The following PLCB2 variants were observed in gnomAD, a reference collection of about 807,000 sequenced individuals.
PLCB2 encodes 1-phosphatidylinositol 4,5-bisphosphate phosphodiesterase beta-2.
PLCB2 carries 115 observed loss-of-function variants against 141.7 expected under a neutral mutation model. The ratio of observed to expected loss-of-function variants is 0.81; its 90% CI spans 0.70 to 0.95. PLCB2 has a LOEUF of 0.95. Ranked by LOEUF, PLCB2 falls within the 40% of genes least tolerant of loss-of-function variation. The pLI, the probability that PLCB2 is intolerant of heterozygous loss-of-function variation, is 0.00. For synonymous variants in PLCB2, 603 were observed against 595.6 expected, an observed-to-expected ratio of 1.01 and a Z score of -0.18; for missense variants, 1,403 against 1,541.1, an observed-to-expected ratio of 0.91 and a Z score of 1.50.
intron 1 of PLCB2, among the ~76,000 whole-genome samples, chr15:40,306,978 C>T (rs1419499639): frequency 1.3e-5 from 2 of 152,198 alleles, no homozygotes; most frequent in African/African-American, 4.8e-5. Context: ...AGTGTCTTCC[C>T]CTTCCCTTGC....
At chr15:40,299,391 G>T in intron 7 of PLCB2, 163 bp from the exon 8 acceptor site, 3 of 583,262 alleles carry the variant, frequency 5.1e-6, no homozygotes, top group Non-Finnish European at 6.2e-6. Flanking sequence ...GGCCCTGGTT[G>T]CTGAGCAGAG....
chr15:40,305,173 CTCT>C (rs1413499699), intron 1 of PLCB2, among the ~76,000 whole-genome samples: 1 of 101,686 alleles, frequency 9.8e-6, no homozygotes, highest in Non-Finnish European at 1.9e-5. Flanking sequence ...CTTTTGTGAT[CTCT>C]TTTTTTTTTT....
downstream of PLCB2, chr15:40,286,057 C>G (rs962757753): frequency 7.1e-6 from 7 of 984,836 alleles, no homozygotes; most frequent in Non-Finnish European, 8.4e-6. Context: ...TCTGACTTCT[C>G]TATGGGCTCA....
At chr15:40,305,797 G>T (rs2040765528) in intron 1 of PLCB2, among the ~76,000 whole-genome samples, 1 of 152,176 alleles carries the variant, frequency 6.6e-6, no homozygotes, top group South Asian at 2.1e-4. Flanking sequence ...AATAGAACTT[G>T]GTTACCCCTT....
chr15:40,298,338 T>C lies in PLCB2; in HGVS notation c.1040A>G (p.Gln347Arg). The change falls in exon 11 of 32, where the codon CAG (glutamine) becomes CGG (arginine). Residue 347 changes from glutamine (Q) to arginine (R), a missense_variant. Gln to Arg is a conservative substitution (Grantham distance 43, BLOSUM62 1). Around this residue, in one of 4 missense-constraint regions of PLCB2, gnomAD observed 975 missense variants for 1,141.1 expected, o/e 0.85. Transcript: ENST00000260402. Reference sequence around the variant, plus strand: ...GCAACGGCAGCCAGAGAGCAGCACCTGGCGGTACATCTCAGCCGAGGAGAG... The same window carrying C: ...GCAACGGCAGCCAGAGAGCAGCACCCGGCGGTACATCTCAGCCGAGGAGAG... ...SGLSSAEMYR[Q>R]VLLSGCRCVE... The C allele has an allele frequency of 6.2e-7, 1 of 1,604,088 alleles. No homozygotes were observed. The highest frequency in any genetic ancestry group is 1.7e-4 in the Middle Eastern group (1 of 6,016).
At chr15:40,302,447 G>C in intron 4 of PLCB2, 22 bp downstream of exon 4, 2 of 1,613,790 alleles carry the variant, frequency 1.2e-6, no homozygotes, top group South Asian at 2.2e-5. Flanking sequence ...CCCAGACCCA[G>C]GCCCAGTGCT....
At chr15:40,301,829 T>C in intron 7 of PLCB2, 128 bp downstream of exon 7, 2 of 814,118 alleles carry the variant, frequency 2.5e-6, no homozygotes, top group Non-Finnish European at 4.2e-6. Flanking sequence ...CCAGGGTTGA[T>C]TGGCTCTCCA....
rs149475278 is a variant in PLCB2 at position 40,298,235 on chromosome 15, G to A, written c.1143C>T (p.Asp381=). Residue 381 remains aspartate (D), a synonymous_variant, in exon 11 of 32, where the codon GAC becomes GAT. Transcript: ENST00000260402. ...CCCAGGGTCTCACTTTGAAGAAGAT[G>A]TCTGTGGTCATGGTGAAGCCATGGG... ...IITHGFTMTT[D]IFFKEAIEAI... is the part of the protein sequence containing the mutation. The A allele has an allele frequency of 2.1e-5, 32 of 1,560,754 alleles. No individual in the cohort carries two copies. In the East Asian group the frequency reaches 7.2e-4, roughly 35 times the overall value.
intron 25 of PLCB2, 52 bp downstream of exon 25, chr15:40,291,554 C>T (rs1026610952): frequency 2.5e-6 from 4 of 1,610,110 alleles, no homozygotes; most frequent in Middle Eastern, 1.7e-4. Context: ...CCAAGGAGCC[C>T]CGGACCCGCC....
At chr15:40,307,366 C>T (rs2040850539) in intron 1 of PLCB2, among the ~76,000 whole-genome samples, 1 of 152,152 alleles carries the variant, frequency 6.6e-6, no homozygotes, top group South Asian at 2.1e-4. Flanking sequence ...GGCAGCTCAC[C>T]CACTTCTCAC....
At chr15:40,294,526 G>A (rs1366621355) in intron 18 of PLCB2, 106 bp from the exon 19 acceptor site, 15 of 1,195,004 alleles carry the variant, frequency 1.3e-5, no homozygotes, top group Non-Finnish European at 1.6e-5. Flanking sequence ...GGGGAGGTTG[G>A]GTGGACCGTG....
intron 7 of PLCB2, among the ~76,000 whole-genome samples, chr15:40,300,170 C>T (rs984119685): frequency 6.6e-6 from 1 of 152,150 alleles, no homozygotes; most frequent in African/African-American, 2.4e-5. Flanking sequence ...CAAAAATTAG[C>T]CCAGCATGGT....
intron 7 of PLCB2, 141 bp downstream of exon 7, chr15:40,301,816 G>A (rs927146901): frequency 1.3e-4 from 101 of 750,008 alleles, no homozygotes; most frequent in Non-Finnish European, 2.2e-4. Flanking sequence ...GTAACCAGCA[G>A]CTCCAGGGTT....
Position 40,296,604 on chromosome 15 carries a change from T to A in PLCB2, c.1517A>T (p.Glu506Val). 6.2e-7 allele frequency: 1 copy of A among 1,613,144 alleles called. No individual in the cohort carries two copies. ...VWAGEEGTEL[E>V]EEEVEEEEEE... ...CTCTTCCTCTTCCACCTCCTCCTCC[T>A]CCAGCTCAGTCCCTTCCTCGCCAGC... Residue 506 changes from glutamate (E) to valine (V), a missense_variant, in exon 15 of 32, where the codon GAG becomes GTG. Glu to Val is a moderately radical substitution (Grantham distance 121). This residue lies in a region of PLCB2 where 975 missense variants were observed against 1,141.1 expected (regional missense o/e 0.85). Coordinates refer to ENST00000260402, the MANE Select transcript of PLCB2 (RefSeq NM_004573.3).
chr15:40,296,418 A>T, intron 15 of PLCB2, 26 bp from the exon 16 acceptor site: 1 of 1,613,792 alleles, frequency 6.2e-7, no homozygotes, highest in Non-Finnish European at 8.5e-7. Context: ...GAGGGCAAAG[A>T]AGAGGAGGAT....
intron 7 of PLCB2, chr15:40,300,820 GGCCAACAT>G (rs2040466746): frequency 1.3e-5 from 2 of 152,184 alleles, no homozygotes; most frequent in African/African-American, 4.8e-5. Flanking sequence ...CACACTGGAA[GGCCAACAT>G]CAGTCTTAGT....
Position 40,298,367 on chromosome 15 carries a change from T to G in PLCB2, c.1011A>C (p.Ser337=). The change falls in exon 11 of 32, where the codon TCA becomes TCC. Residue 337 remains serine, a synonymous_variant. Transcript: ENST00000260402. The part of the protein sequence containing the change: ...HNTYLTAGQF[S]GLSSAEMYRQ... Reference sequence around the variant, plus strand: ...GGTACATCTCAGCCGAGGAGAGGCCTGAGAACTGGCCGGCTGAGCCAGAGG... The same window carrying G: ...GGTACATCTCAGCCGAGGAGAGGCCGGAGAACTGGCCGGCTGAGCCAGAGG... 2 of 1,588,354 alleles carry G rather than the reference T, an allele frequency of 1.3e-6. No individual in the cohort carries two copies. The highest frequency in any genetic ancestry group is 1.7e-6 in the Non-Finnish European group (2 of 1,163,766).
Position 40,298,691 on chromosome 15 carries a change from CT to C in PLCB2, c.867del (p.Gly290AlafsTer25). Reference protein sequence around the residue: ...INAQRGQLSPEGMVWFLCGPE... With the variant: ...INAQRGQLSPXGMVWFLCGPE... ...GGCCCACAGAGAAACCAGACCATGCCTTCAGGTGACAGCTGGCCTGGGGGAC... is the reference window on the plus strand; with the variant it reads ...GGCCCACAGAGAAACCAGACCATGCCTCAGGTGACAGCTGGCCTGGGGGAC... On this transcript the variant is annotated frameshift_variant, in exon 10 of 32. Coordinates refer to ENST00000260402, the MANE Select transcript of PLCB2 (RefSeq NM_004573.3). LOFTEE classifies it high-confidence loss of function. The C allele has an allele frequency of 5.6e-6, 9 of 1,614,172 alleles. No homozygotes were observed. Among genetic ancestry groups the C allele is most frequent in the Non-Finnish European group, 6.8e-6 (8 of 1,180,008 alleles).
chr15:40,300,658 C>T (rs775931128), intron 7 of PLCB2: 4 of 152,096 alleles, frequency 2.6e-5, no homozygotes, highest in Admixed American at 6.5e-5. Context: ...AGCCTGACAT[C>T]GAAAAGCATA....
Sources: allele counts gnomAD v4.1 joint callset (sites outside exome capture counted in the v4.1 genomes callset), GRCh38; gene constraint gnomAD v4.1.1; regional missense constraint gnomAD v4.1.1; transcripts MANE v1.5; gene names NCBI Gene and HGNC (gene_info 2026-07-23, HGNC 2026-07-21).